DACH1: variants seen among roughly 807,000 people sequenced by gnomAD.
DACH1 encodes dachshund homolog 1.
In DACH1, 12 loss-of-function variants were observed where a neutral mutation model predicts 54.2. The observed-to-expected ratio is 0.22, with a 90% CI of 0.14 to 0.36. The LOEUF is 0.36. Among genes scored for constraint, DACH1 ranks in the 10% least tolerant of loss-of-function variants. DACH1 has a pLI of 1.00. For synonymous variants in DACH1, 386 were observed against 366.2 expected, an observed-to-expected ratio of 1.05 and a Z score of -0.62; for missense variants, 805 against 929.8, an observed-to-expected ratio of 0.87 and a Z score of 1.75.
chr13:71,865,315 C>A lies in DACH1; in HGVS notation c.848+607G>T, dbSNP rs1473852580. ...GACCCGGTCTCTCAGCTTCGCGGGT[C>A]ATTTCCCTCCCGACCTCAAAGTGCC... On this transcript the variant is annotated intron_variant, in intron 1 of 10. Transcript: ENST00000613252. 2.6e-5 allele frequency among the ~76,000 whole-genome samples: 4 copies of A among 152,140 alleles called. No homozygotes were observed. In the East Asian group the frequency reaches 7.8e-4, roughly 30 times the overall value.
chr13:71,841,038 T>C (rs1295034838), intron 1 of DACH1, among the ~76,000 whole-genome samples: 1 of 152,180 alleles, frequency 6.6e-6, no homozygotes, highest in East Asian at 1.9e-4. Context: ...TAGGGTAACC[T>C]TCATGAAGAG....
intron 2 of DACH1, among the ~76,000 whole-genome samples, chr13:71,639,987 C>G (rs1158706519): frequency 1.3e-5 from 2 of 151,952 alleles, no homozygotes; most frequent in Non-Finnish European, 2.9e-5. Flanking sequence ...ATTAGAAAGA[C>G]TTTACCTAAT....
At chr13:71,837,092 A>AG (rs969673775) in intron 1 of DACH1, among the ~76,000 whole-genome samples, 4 of 152,042 alleles carry the variant, frequency 2.6e-5, no homozygotes, top group Admixed American at 2.6e-4. Flanking sequence ...CGAAAGATTA[A>AG]GGGGGAAATG....
intron 10 of DACH1, among the ~76,000 whole-genome samples, chr13:71,454,949 A>G (rs186629608): frequency 2.9e-4 from 44 of 152,328 alleles, no homozygotes; most frequent in Admixed American, 9.2e-4. Flanking sequence ...TCACAGGTAA[A>G]TATTTTAGTT....
chr13:71,599,965 T>C (rs1339899386), intron 3 of DACH1, among the ~76,000 whole-genome samples: 1 of 151,934 alleles, frequency 6.6e-6, no homozygotes, highest in Non-Finnish European at 1.5e-5. Context: ...TTTACCATAA[T>C]TTTCAGTCTT....
intron 10 of DACH1, among the ~76,000 whole-genome samples, chr13:71,453,167 T>A (rs191790939): frequency 6.6e-6 from 1 of 152,274 alleles, no homozygotes; most frequent in East Asian, 1.9e-4. Flanking sequence ...GACCTCTGGA[T>A]TTCATCAAAG....
intron 8 of DACH1, among the ~76,000 whole-genome samples, chr13:71,477,471 T>C (rs573468928): frequency 1.1e-3 from 161 of 152,184 alleles, no homozygotes; most frequent in African/African-American, 3.7e-3. Flanking sequence ...AGGTGTATTG[T>C]TGCTGTATCA....
intron 6 of DACH1, among the ~76,000 whole-genome samples, chr13:71,537,139 T>C (rs1005774093): frequency 6.6e-6 from 1 of 152,100 alleles, no homozygotes; most frequent in African/African-American, 2.4e-5. Flanking sequence ...CTTTATGCTC[T>C]GGCCAAGAGG....
At chr13:71,600,493 C>T (rs1169155620) in intron 3 of DACH1, among the ~76,000 whole-genome samples, 2 of 151,790 alleles carry the variant, frequency 1.3e-5, no homozygotes, top group Admixed American at 6.6e-5. Flanking sequence ...TATGTTATAT[C>T]CTTATAATAT....
chr13:71,720,922 A>G (rs772372345), intron 1 of DACH1, among the ~76,000 whole-genome samples: 5 of 152,172 alleles, frequency 3.3e-5, no homozygotes, highest in Non-Finnish European at 5.9e-5. Flanking sequence ...CTGTCATCAC[A>G]TACTGAAAGG....
chr13:71,675,247 C>G, intron 2 of DACH1: 2 of 1,549,996 alleles, frequency 1.3e-6, no homozygotes, highest in South Asian at 2.2e-5. Flanking sequence ...CACTGAACTT[C>G]TGATTCGCAG....
At chr13:71,580,744 G>A (rs898264495) in intron 3 of DACH1, among the ~76,000 whole-genome samples, 20 of 152,042 alleles carry the variant, frequency 1.3e-4, no homozygotes, top group Non-Finnish European at 4.4e-5. Context: ...GACATCACCG[G>A]CGAGTTTTAT....
chr13:71,692,839 G>A (rs1359274504), intron 1 of DACH1, among the ~76,000 whole-genome samples: 1 of 151,918 alleles, frequency 6.6e-6, no homozygotes, highest in Non-Finnish European at 1.5e-5. Flanking sequence ...TATTTTAAAT[G>A]TATTTTCTTG....
chr13:71,777,938 A>G (rs995056097), intron 1 of DACH1, among the ~76,000 whole-genome samples: 7 of 151,780 alleles, frequency 4.6e-5, no homozygotes, highest in African/African-American at 1.5e-4. Flanking sequence ...GTAAAATGGT[A>G]AAACCTCATC....
chr13:71,729,210 A>G (rs1161213945), intron 1 of DACH1, among the ~76,000 whole-genome samples: 1 of 151,988 alleles, frequency 6.6e-6, no homozygotes, highest in Non-Finnish European at 1.5e-5. Flanking sequence ...GTGCACATTT[A>G]TTTTGAATAA....
rs368754616 is a variant in DACH1, at chr13:71,866,627, G to A, written c.143C>T (p.Ala48Val). Reference sequence around the variant, plus strand: ...GCGGAACAGAGTTGGCCCAGAGGACGCCGGGGGTCCGATGGAAGGAGCCGG... The same window carrying A: ...GCGGAACAGAGTTGGCCCAGAGGACACCGGGGGTCCGATGGAAGGAGCCGG... ...SSPAPSIGPP[A>V]SSGPTLFRPE... The change falls in exon 1 of 11, where the codon GCG (alanine) becomes GTG (valine). Residue 48 changes from alanine (A) to valine (V), a missense_variant. Physicochemically the swap from Ala to Val is moderately conservative, Grantham distance 64 (BLOSUM62 0). Transcript: ENST00000613252. The A allele has an allele frequency of 1.4e-6, 2 of 1,393,512 alleles. No homozygotes were observed. The highest frequency in any genetic ancestry group is 1.9e-6 in the Non-Finnish European group (2 of 1,067,278). The allele number at this position is 1,393,512 out of a possible 1,614,324, so 86.3% of individuals were successfully genotyped here.
At chr13:71,566,628 A>G (rs1396187453) in intron 4 of DACH1, among the ~76,000 whole-genome samples, 1 of 152,094 alleles carries the variant, frequency 6.6e-6, no homozygotes, top group African/African-American at 2.4e-5. Flanking sequence ...TTTCTTTTTT[A>G]GTATTATTAT....
intron 1 of DACH1, among the ~76,000 whole-genome samples, chr13:71,775,581 A>G (rs575327631): frequency 1.3e-5 from 2 of 152,282 alleles, no homozygotes; most frequent in East Asian, 3.9e-4. Flanking sequence ...TAGCTATGAT[A>G]TGTTCTTATG....
At chr13:71,789,100 C>A (rs1347783854) in intron 1 of DACH1, among the ~76,000 whole-genome samples, 1 of 152,134 alleles carries the variant, frequency 6.6e-6, no homozygotes, top group African/African-American at 2.4e-5. Context: ...TCCTTTATCT[C>A]ACATGGATAA....
Sources: allele counts gnomAD v4.1 joint callset (sites outside exome capture counted in the v4.1 genomes callset), GRCh38; gene constraint gnomAD v4.1.1; transcripts MANE v1.5; gene names NCBI Gene and HGNC (gene_info 2026-07-23, HGNC 2026-07-21).